The following CREB3L2 variants were observed in gnomAD, a reference collection of about 807,000 sequenced individuals.
The protein encoded by CREB3L2 is cAMP responsive element binding protein 3 like 2.
Under a neutral mutation model 57.2 loss-of-function variants are expected in CREB3L2, and 23 were observed. That is an observed-to-expected ratio of 0.40 (90% CI 0.29 to 0.57). The LOEUF is 0.57. Ranked by LOEUF, CREB3L2 falls within the 20% of genes least tolerant of loss-of-function variation. The pLI, the probability that CREB3L2 is intolerant of heterozygous loss-of-function variation, is 0.42. For synonymous variants in CREB3L2, 268 were observed against 265.1 expected (o/e 1.01, Z -0.11); for missense variants, 628 against 634.7 (o/e 0.99, Z 0.11).
intron 1 of CREB3L2, among the ~76,000 whole-genome samples, chr7:137,973,582 C>T (rs1298037142): frequency 1.3e-5 from 2 of 152,052 alleles, no homozygotes; most frequent in Non-Finnish European, 2.9e-5. Context: ...AGGGCCCATC[C>T]GACACAAGAT....
At chr7:137,899,130 AAG>A (rs2117196048) in intron 8 of CREB3L2, among the ~76,000 whole-genome samples, 4 of 148,316 alleles carry the variant, frequency 2.7e-5, no homozygotes, top group South Asian at 2.2e-4. Flanking sequence ...GGAAGGAAGG[AAG>A]GAAGGAAGGA....
In CREB3L2 at chr7:137,880,342, T is replaced by A; in HGVS notation, c.*134A>T. The A allele has an allele frequency of 1.4e-6, 1 of 721,756 alleles. No individual in the cohort carries two copies. The highest frequency in any genetic ancestry group is 2.7e-5 in the East Asian group (1 of 36,838). 44.7% of individuals were successfully genotyped at this position (721,756 alleles called of 1,614,324 possible). On this transcript the variant is annotated 3_prime_UTR_variant, in exon 12 of 12. Transcript: ENST00000330387. This position sits in a 1 kb window ranked among gnomAD's most constrained non-coding sequence, Gnocchi z 4.0. ...ACTGCAGGGAAGTCCCAGGCTGGTC[T>A]CCAATCTGAAGCCACTAATGCTTGC...
chr7:137,886,326 C>T (rs571362131), intron 8 of CREB3L2, among the ~76,000 whole-genome samples: 92 of 152,070 alleles, frequency 6.0e-4, no homozygotes, highest in Non-Finnish European at 1.3e-3. Flanking sequence ...GAAGGAGTGG[C>T]CAGAGGTGGG....
intron 4 of CREB3L2, among the ~76,000 whole-genome samples, chr7:137,911,393 A>G (rs1202681610): frequency 1.3e-5 from 2 of 152,230 alleles, no homozygotes; most frequent in East Asian, 3.8e-4. Context: ...TAATGGAATG[A>G]AGACAGACGA....
At chr7:137,981,219 G>T (rs1331021883) in intron 1 of CREB3L2, among the ~76,000 whole-genome samples, 1 of 152,152 alleles carries the variant, frequency 6.6e-6, no homozygotes, top group African/African-American at 2.4e-5. Context: ...GAGAAGGAGA[G>T]AAAGGAGAGG....
chr7:137,895,558 C>T (rs1799611271), intron 8 of CREB3L2, among the ~76,000 whole-genome samples: 1 of 151,156 alleles, frequency 6.6e-6, no homozygotes, highest in Admixed American at 6.6e-5. Flanking sequence ...CGGCCCTGTC[C>T]TCTTCCACTC....
intron 1 of CREB3L2, among the ~76,000 whole-genome samples, chr7:137,963,550 ACT>A (rs1243441771): frequency 6.6e-6 from 1 of 151,618 alleles, no homozygotes; most frequent in Non-Finnish European, 1.5e-5. Flanking sequence ...GTCTCTAGTC[ACT>A]CTCTGGTATC....
At position 137,949,278 on chromosome 7, in the gene CREB3L2, T is replaced by C. The variant is rs192170515; in HGVS notation, c.103-20912A>G. 6.0e-3 allele frequency among the ~76,000 whole-genome samples: 920 copies of C among 152,344 alleles called. 9 individuals carry two copies. Among genetic ancestry groups the C allele is most frequent in the Middle Eastern group, 0.027 (8 of 294 alleles). ...GACCCGTGATGGGCAATCCAGCAGT[T>C]GGGATTCACTTGCTAACTTCCCACA... On this transcript the variant is annotated intron_variant, in intron 1 of 11. Transcript: ENST00000330387.
chr7:137,903,019 C>A (rs1270495066), intron 7 of CREB3L2, among the ~76,000 whole-genome samples: 3 of 152,050 alleles, frequency 2.0e-5, no homozygotes, highest in Non-Finnish European at 4.4e-5. Flanking sequence ...GGCTATGTTG[C>A]CCAGGCTGGT....
intron 8 of CREB3L2, among the ~76,000 whole-genome samples, chr7:137,892,347 T>A (rs1276788357): frequency 1.0e-4 from 14 of 133,462 alleles, no homozygotes; most frequent in Middle Eastern, 3.7e-3. Flanking sequence ...TGCACACAAT[T>A]AAAAAAAAAA....
At chr7:137,997,149 C>G (rs1418595591) in intron 1 of CREB3L2, among the ~76,000 whole-genome samples, 4 of 152,134 alleles carry the variant, frequency 2.6e-5, no homozygotes, top group Non-Finnish European at 5.9e-5. Context: ...CTGAAGCTCC[C>G]TTTTTCCCCC....
intron 1 of CREB3L2, among the ~76,000 whole-genome samples, chr7:137,974,791 C>T (rs1801576912): frequency 6.6e-6 from 1 of 152,130 alleles, no homozygotes; most frequent in South Asian, 2.1e-4. Context: ...TGGCCTGCCC[C>T]AGTGAATGTT....
intron 1 of CREB3L2, among the ~76,000 whole-genome samples, chr7:137,943,336 T>C (rs1404665808): frequency 6.6e-6 from 1 of 152,136 alleles, no homozygotes; most frequent in African/African-American, 2.4e-5. Context: ...TGAGATTCTA[T>C]TGGCAAAGAA....
chr7:137,903,715 G>A (rs1272558699), intron 7 of CREB3L2, among the ~76,000 whole-genome samples: 5 of 152,300 alleles, frequency 3.3e-5, no homozygotes, highest in Middle Eastern at 3.4e-3. Flanking sequence ...TGAGGACTCC[G>A]GGGTCCTTGG....
chr7:137,986,617 C>A (rs985068851), intron 1 of CREB3L2, among the ~76,000 whole-genome samples: 1 of 152,238 alleles, frequency 6.6e-6, no homozygotes, highest in East Asian at 1.9e-4. Flanking sequence ...CTCCTACCAA[C>A]TGCCTTTTCC....
At chr7:137,967,094 C>G (rs1312257447) in intron 1 of CREB3L2, among the ~76,000 whole-genome samples, 1 of 152,198 alleles carries the variant, frequency 6.6e-6, no homozygotes, top group East Asian at 1.9e-4. Flanking sequence ...TTCTCCCTTC[C>G]TCTCCTTCCC....
chr7:137,895,650 A>AAAAAAAAAAAAAAAAAAAAG (rs1295924394), intron 8 of CREB3L2, among the ~76,000 whole-genome samples: 1 of 150,296 alleles, frequency 6.7e-6, no homozygotes, highest in African/African-American at 2.5e-5. Context: ...TACAAAAAAA[A>AAAAAAAAAAAAAAAAAAAAG]AAAGAAAGAA....
intron 11 of CREB3L2, among the ~76,000 whole-genome samples, chr7:137,881,942 A>G (rs1012174094): frequency 2.0e-5 from 3 of 152,242 alleles, no homozygotes; most frequent in Non-Finnish European, 4.4e-5. Flanking sequence ...TATAATATGT[A>G]TAGTTTTAAT....
chr7:137,942,772 T>A (rs1800899249), intron 1 of CREB3L2, among the ~76,000 whole-genome samples: 1 of 152,210 alleles, frequency 6.6e-6, no homozygotes, highest in African/African-American at 2.4e-5. Flanking sequence ...AAAGACGAGG[T>A]AGAGCAATGC....
Sources: gnomAD v4.1 joint callset for allele counts (sites outside exome capture counted in the v4.1 genomes callset) on GRCh38, gnomAD v4.1.1 for gene constraint, Gnocchi (gnomAD v3.1) non-coding constraint, MANE v1.5 for transcripts, NCBI Gene and HGNC (gene_info 2026-07-23, HGNC 2026-07-21) for gene names.